SAMD3: variants seen among roughly 807,000 people sequenced by gnomAD.
SAMD3 encodes sterile alpha motif domain containing 3.
A neutral mutation model predicts 58.5 loss-of-function variants in SAMD3; 63 were observed. The ratio of observed to expected loss-of-function variants is 1.08; its 90% CI spans 0.88 to 1.33. SAMD3 has a LOEUF of 1.33. SAMD3 is among the 40% of genes most tolerant of loss of function. The pLI, the probability that SAMD3 is intolerant of heterozygous loss-of-function variation, is 0.00. For synonymous variants in SAMD3, 220 were observed against 210.3 expected, an observed-to-expected ratio of 1.05 and a Z score of -0.40; for missense variants, 604 against 608.4, an observed-to-expected ratio of 0.99 and a Z score of 0.08.
upstream of SAMD3, among the ~76,000 whole-genome samples, chr6:130,227,344 C>T (rs560432530): frequency 2.0e-4 from 30 of 152,218 alleles, no homozygotes; most frequent in African/African-American, 7.0e-4. Flanking sequence ...GATGTATATA[C>T]CATATTTTGT....
At chr6:130,314,429 A>G (rs1302971939) in intron 1 of SAMD3, among the ~76,000 whole-genome samples, 1 of 152,234 alleles carries the variant, frequency 6.6e-6, no homozygotes, top group Non-Finnish European at 1.5e-5. Context: ...TTAAAAACAT[A>G]GAGATTACAG....
intron 2 of SAMD3, among the ~76,000 whole-genome samples, chr6:130,250,346 C>T (rs1025628349): frequency 6.6e-6 from 1 of 152,032 alleles, no homozygotes; most frequent in African/African-American, 2.4e-5. Flanking sequence ...TGCTAAAGGA[C>T]TAGGAAGAGA....
chr6:130,162,287 A>G, intron 8 of SAMD3: 1 of 701,756 alleles, frequency 1.4e-6, no homozygotes, highest in East Asian at 2.7e-5. Context: ...TGGAGCAGAA[A>G]TAAGGAGGAG....
chr6:130,168,399 C>G (rs1790918035), intron 8 of SAMD3, among the ~76,000 whole-genome samples: 1 of 152,082 alleles, frequency 6.6e-6, no homozygotes, highest in Admixed American at 6.5e-5. Context: ...CATGCAACTG[C>G]ACTCCAGCCT....
At chr6:130,246,992 C>T (rs1041265299) in intron 2 of SAMD3, among the ~76,000 whole-genome samples, 7 of 152,120 alleles carry the variant, frequency 4.6e-5, no homozygotes, top group Admixed American at 2.0e-4. Flanking sequence ...ATGAGCACTC[C>T]TAGAACCCAG....
chr6:130,297,154 A>G (rs943022561), intron 2 of SAMD3, among the ~76,000 whole-genome samples: 3 of 152,182 alleles, frequency 2.0e-5, no homozygotes, highest in Non-Finnish European at 4.4e-5. Context: ...GCTTTCTGAG[A>G]TATCAGAACT....
At chr6:130,336,131 T>C (rs1303376669) in intron 1 of SAMD3, among the ~76,000 whole-genome samples, 10 of 152,230 alleles carry the variant, frequency 6.6e-5, no homozygotes, top group Non-Finnish European at 1.5e-4. Context: ...AACCTGTACA[T>C]TGTGCACATG....
chr6:130,179,810 CTTTTTTTTT>C (rs71028199), intron 7 of SAMD3, among the ~76,000 whole-genome samples: 2 of 116,252 alleles, frequency 1.7e-5, no homozygotes, highest in Non-Finnish European at 3.3e-5. Context: ...TGTCCTTATT[CTTTTTTTTT>C]TTTTTTTTTT....
intron 2 of SAMD3, among the ~76,000 whole-genome samples, chr6:130,309,261 A>T (rs1025953892): frequency 6.6e-6 from 1 of 152,242 alleles, no homozygotes; most frequent in Non-Finnish European, 1.5e-5. Flanking sequence ...GCATAAGAGC[A>T]TAAATGTTAG....
At chr6:130,193,823 G>T (rs1186863342) in intron 5 of SAMD3, among the ~76,000 whole-genome samples, 1 of 152,144 alleles carries the variant, frequency 6.6e-6, no homozygotes, top group Non-Finnish European at 1.5e-5. Flanking sequence ...AACGGTCTGA[G>T]GTGCCTGATG....
At chr6:130,352,845 A>G (rs1777719934) in intron 1 of SAMD3, among the ~76,000 whole-genome samples, 1 of 152,200 alleles carries the variant, frequency 6.6e-6, no homozygotes, top group South Asian at 2.1e-4. Flanking sequence ...TATATTAATG[A>G]GCTTTAGCTA....
intron 1 of SAMD3, among the ~76,000 whole-genome samples, chr6:130,320,152 G>T (rs1030621448): frequency 1.3e-5 from 2 of 151,954 alleles, no homozygotes; most frequent in African/African-American, 4.8e-5. Flanking sequence ...AATATCAAAC[G>T]CATATCTAAT....
At chr6:130,276,318 A>C (rs541713826) in intron 2 of SAMD3, among the ~76,000 whole-genome samples, 4 of 152,296 alleles carry the variant, frequency 2.6e-5, no homozygotes, top group South Asian at 2.1e-4. Flanking sequence ...AAATTGGTTA[A>C]ATAATCATTT....
At chr6:130,362,489 A>C (rs138518306) in intron 1 of SAMD3, among the ~76,000 whole-genome samples, 96 of 152,328 alleles carry the variant, frequency 6.3e-4, no homozygotes, top group African/African-American at 2.1e-3. Context: ...CAAAATCTTT[A>C]AAAAGTAATT....
At chr6:130,222,539 A>G (rs756949316) in intron 1 of SAMD3, among the ~76,000 whole-genome samples, 155 bp downstream of exon 1, 13 of 152,238 alleles carry the variant, frequency 8.5e-5, no homozygotes, top group Non-Finnish European at 1.6e-4. Context: ...CTGGGAAAGC[A>G]TATACTAGAA....
intron 5 of SAMD3, among the ~76,000 whole-genome samples, chr6:130,208,549 A>G (rs1795273103): frequency 6.6e-6 from 1 of 152,092 alleles, no homozygotes; most frequent in Non-Finnish European, 1.5e-5. Context: ...TTAGATTCTC[A>G]TAGGAGCACA....
intron 5 of SAMD3, among the ~76,000 whole-genome samples, chr6:130,189,135 A>G (rs1793295803): frequency 6.6e-6 from 1 of 151,374 alleles, no homozygotes; most frequent in South Asian, 2.1e-4. Flanking sequence ...AACAAAAACT[A>G]GGCTCTCATT....
intron 2 of SAMD3, chr6:130,215,594 A>T: frequency 7.4e-7 from 1 of 1,359,242 alleles, no homozygotes; most frequent in Middle Eastern, 2.7e-4. Flanking sequence ...CCAGGGACAT[A>T]CAATGGTACC....
intron 1 of SAMD3, among the ~76,000 whole-genome samples, chr6:130,220,460 T>G (rs540462791): frequency 6.6e-5 from 10 of 152,372 alleles, no homozygotes; most frequent in African/African-American, 2.4e-4. Context: ...GGTTTATCCC[T>G]GCTTCTGCCT....
Sources: allele counts gnomAD v4.1 joint callset (sites outside exome capture counted in the v4.1 genomes callset), GRCh38; gene constraint gnomAD v4.1.1; transcripts MANE v1.5; gene names NCBI Gene and HGNC (gene_info 2026-07-23, HGNC 2026-07-21).